AGBL4: variants seen among roughly 807,000 people sequenced by gnomAD.
AGBL4 encodes AGBL carboxypeptidase 4, also known as cytosolic carboxypeptidase 6.
Under a neutral mutation model 66.4 loss-of-function variants are expected in AGBL4, and 58 were observed. That is an observed-to-expected ratio of 0.87 (90% CI 0.71 to 1.09). The LOEUF is 1.09. Among genes scored for constraint, AGBL4 ranks in the 50% least tolerant of loss-of-function variants. The probability of loss-of-function intolerance (pLI) is 0.00; values close to 1 mark genes in which losing one functional copy is unlikely to be tolerated. For synonymous variants in AGBL4, 234 were observed against 222.9 expected (o/e 1.05, Z -0.44); for missense variants, 579 against 631.0 (o/e 0.92, Z 0.88).
At chr1:49,286,468 G>A (rs536254570) in intron 3 of AGBL4, among the ~76,000 whole-genome samples, 2 of 152,242 alleles carry the variant, frequency 1.3e-5, no homozygotes, top group East Asian at 3.9e-4. Flanking sequence ...AAACCCCATT[G>A]GCTCAGACCA....
At chr1:49,865,904 GAGGC>G (rs1447562918) in intron 1 of AGBL4, 2 of 397,322 alleles carry the variant, frequency 5.0e-6, no homozygotes, top group Non-Finnish European at 1.0e-5. Context: ...CCAGTTTAGA[GAGGC>G]ACATAAATGA....
Position 48,588,225 on chromosome 1 carries a change from C to G in AGBL4, c.1105-1059G>C, listed in dbSNP as rs537829860. On this transcript the variant is annotated intron_variant, in intron 10 of 13. Coordinates refer to ENST00000371839, the MANE Select transcript of AGBL4 (RefSeq NM_032785.4). ...AAGAATCTACTTCCTTTAGGGATAG[C>G]TGATTCATGTCCAGAATCACTAGAG... Among the ~76,000 whole-genome samples, 8 of 152,300 alleles carry G rather than the reference C, an allele frequency of 5.3e-5. No individual in the cohort carries two copies. The South Asian group carries it at 1.7e-3, about 32-fold the overall frequency.
chr1:49,707,480 C>A (rs1473379367), intron 2 of AGBL4, among the ~76,000 whole-genome samples: 2 of 146,994 alleles, frequency 1.4e-5, no homozygotes, highest in African/African-American at 5.0e-5. Context: ...GAATATAACA[C>A]AAAGATGGAT....
intron 1 of AGBL4, among the ~76,000 whole-genome samples, chr1:49,862,755 AAAG>A (rs1455529269): frequency 6.6e-6 from 1 of 152,194 alleles, no homozygotes; most frequent in Non-Finnish European, 1.5e-5. Flanking sequence ...CAAAGGGCTG[AAAG>A]AAAAAAGCTT....
At chr1:49,111,354 C>T (rs146421162) in intron 4 of AGBL4, among the ~76,000 whole-genome samples, 17 of 152,246 alleles carry the variant, frequency 1.1e-4, no homozygotes, top group African/African-American at 1.9e-4. Context: ...CCTCCTGATC[C>T]GCCCGCCTTG....
At chr1:49,693,662 T>C (rs920931746) in intron 3 of AGBL4, among the ~76,000 whole-genome samples, 20 of 152,028 alleles carry the variant, frequency 1.3e-4, no homozygotes, top group African/African-American at 4.3e-4. Flanking sequence ...AAATTTACTA[T>C]ATTGCACATT....
At chr1:49,865,981 T>A in intron 1 of AGBL4, 1 of 363,280 alleles carries the variant, frequency 2.8e-6, no homozygotes, top group South Asian at 2.2e-5. Context: ...ATCAACAACC[T>A]AACAGACCAA....
chr1:49,607,287 T>C (rs1217317035), intron 3 of AGBL4, among the ~76,000 whole-genome samples: 1 of 152,124 alleles, frequency 6.6e-6, no homozygotes, highest in South Asian at 2.1e-4. Context: ...AGTTTATTTC[T>C]CAATGACTGC....
intron 3 of AGBL4, among the ~76,000 whole-genome samples, chr1:49,429,605 C>T (rs1471456596): frequency 1.3e-5 from 2 of 152,124 alleles, no homozygotes; most frequent in African/African-American, 4.8e-5. Context: ...CATCTCCCTG[C>T]CACTACTTCT....
At chr1:49,897,788 C>T (rs1176832538) in intron 1 of AGBL4, among the ~76,000 whole-genome samples, 1 of 151,768 alleles carries the variant, frequency 6.6e-6, no homozygotes, top group Non-Finnish European at 1.5e-5. Context: ...AAAAATGGAG[C>T]AGAATAGACA....
chr1:49,844,929 TG>T, intron 2 of AGBL4: 1 of 1,364,622 alleles, frequency 7.3e-7, no homozygotes, highest in South Asian at 1.2e-5. Context: ...GGAATGGGTT[TG>T]GGGAAAACAG....
intron 3 of AGBL4, among the ~76,000 whole-genome samples, chr1:49,482,195 G>A (rs1357569484): frequency 6.6e-6 from 1 of 151,962 alleles, no homozygotes; most frequent in Admixed American, 6.6e-5. Flanking sequence ...AATAGTTTCA[G>A]TAGGAATAGT....
intron 4 of AGBL4, among the ~76,000 whole-genome samples, chr1:49,129,532 C>T (rs1645842501): frequency 6.7e-6 from 1 of 148,210 alleles, no homozygotes; most frequent in Admixed American, 7.0e-5. Flanking sequence ...TCTCATTGTT[C>T]AATTCCCACC....
intron 2 of AGBL4, among the ~76,000 whole-genome samples, chr1:49,819,428 T>C (rs1645311268): frequency 6.6e-6 from 1 of 152,154 alleles, no homozygotes; most frequent in Admixed American, 6.5e-5. Flanking sequence ...AACAGAAATA[T>C]TGTCAACTAA....
intron 1 of AGBL4, among the ~76,000 whole-genome samples, chr1:49,923,389 T>C (rs1652460447): frequency 6.6e-6 from 1 of 152,080 alleles, no homozygotes; most frequent in Non-Finnish European, 1.5e-5. Flanking sequence ...GGAAATACCA[T>C]TTTAAACAAA....
At chr1:49,115,712 G>A (rs1244789411) in intron 4 of AGBL4, among the ~76,000 whole-genome samples, 1 of 152,054 alleles carries the variant, frequency 6.6e-6, no homozygotes, top group East Asian at 1.9e-4. Flanking sequence ...TATTAAGACA[G>A]GCAAAGTACA....
chr1:48,880,466 C>G (rs1400540987), intron 5 of AGBL4, among the ~76,000 whole-genome samples: 1 of 152,118 alleles, frequency 6.6e-6, no homozygotes, highest in African/African-American at 2.4e-5. Flanking sequence ...ACTTCTTTTC[C>G]TCTAGGTAGA....
chr1:49,405,305 C>T (rs145005171), intron 3 of AGBL4, among the ~76,000 whole-genome samples: 1 of 152,266 alleles, frequency 6.6e-6, no homozygotes, highest in Non-Finnish European at 1.5e-5. Context: ...CTAGTTCTGT[C>T]TAAGGCCAAT....
intron 3 of AGBL4, among the ~76,000 whole-genome samples, chr1:49,316,212 T>C (rs1456581498): frequency 1.3e-5 from 2 of 152,022 alleles, no homozygotes; most frequent in Non-Finnish European, 2.9e-5. Flanking sequence ...ATACATTTGT[T>C]AAAATCCATA....
Sources: allele counts gnomAD v4.1 joint callset (sites outside exome capture counted in the v4.1 genomes callset), GRCh38; gene constraint gnomAD v4.1.1; transcripts MANE v1.5; gene names NCBI Gene and HGNC (gene_info 2026-07-23, HGNC 2026-07-21).